The following CD109 variants were observed in gnomAD, a reference collection of about 807,000 sequenced individuals.
The protein encoded by CD109 is CD109 antigen.
In CD109, 149 loss-of-function variants were observed where a neutral mutation model predicts 165.8. The observed-to-expected ratio is 0.90, with a 90% CI of 0.79 to 1.03. The LOEUF is 1.03. Among genes scored for constraint, CD109 ranks in the 50% least tolerant of loss-of-function variants. The pLI, the probability that CD109 is intolerant of heterozygous loss-of-function variation, is 0.00. For synonymous variants in CD109, 585 were observed against 592.1 expected (o/e 0.99, Z 0.18); for missense variants, 1,712 against 1,677.8 (o/e 1.02, Z -0.36).
rs531402293 is a variant in CD109, at chr6:73,727,251, A to G, written c.277-3093A>G. On this transcript the variant is annotated intron_variant, in intron 3 of 32. Coordinates refer to ENST00000287097, the MANE Select transcript of CD109 (RefSeq NM_133493.5). ...GAGCACCGAGGTCTGCATTGACACCACAAGACTCTGGAGCACCACCCAGAG... is the reference window on the plus strand; with the variant it reads ...GAGCACCGAGGTCTGCATTGACACCGCAAGACTCTGGAGCACCACCCAGAG... Among the ~76,000 whole-genome samples, 14 of 152,230 alleles carry G rather than the reference A, an allele frequency of 9.2e-5. No homozygotes were observed. In the East Asian group the frequency reaches 1.2e-3, roughly 13 times the overall value.
At chr6:73,737,021 A>T (rs1360690440) in intron 5 of CD109, among the ~76,000 whole-genome samples, 1 of 152,182 alleles carries the variant, frequency 6.6e-6, no homozygotes, top group African/African-American at 2.4e-5. Context: ...ATCTAAATGG[A>T]GGGCATTAAA....
intron 31 of CD109, among the ~76,000 whole-genome samples, chr6:73,818,991 C>A (rs1776029026): frequency 6.6e-6 from 1 of 152,080 alleles, no homozygotes; most frequent in Non-Finnish European, 1.5e-5. Context: ...GCCACCATGC[C>A]TAGATAATTT....
chr6:73,696,408 C>A, intron 1 of CD109, 119 bp downstream of exon 1: 1 of 819,528 alleles, frequency 1.2e-6, no homozygotes, highest in South Asian at 2.6e-5. Flanking sequence ...GAAATGCCCT[C>A]GCGGCTGCAG....
At chr6:73,712,033 C>G (rs1420311805) in intron 2 of CD109, among the ~76,000 whole-genome samples, 2 of 152,098 alleles carry the variant, frequency 1.3e-5, no homozygotes, top group African/African-American at 2.4e-5. Flanking sequence ...ATTTCACTCT[C>G]TAAAAAATAT....
At chr6:73,765,820 C>G in intron 10 of CD109, 110 bp from the exon 11 acceptor site, 2 of 743,074 alleles carry the variant, frequency 2.7e-6, no homozygotes, top group South Asian at 1.9e-5. Flanking sequence ...TATTATAGTG[C>G]TACCAATAAT....
intron 2 of CD109, among the ~76,000 whole-genome samples, chr6:73,711,156 T>C (rs938176366): frequency 3.3e-5 from 5 of 152,208 alleles, no homozygotes; most frequent in African/African-American, 4.8e-5. Context: ...CTTGCTTGAC[T>C]CTGGGTTTTT....
the CD109 span, among the ~76,000 whole-genome samples, chr6:73,681,775 A>G: frequency 3.3e-5 from 5 of 151,926 alleles, no homozygotes; most frequent in East Asian, 7.8e-4. Context: ...GCTAATTTTT[A>G]TATTTTTAGT....
intron 14 of CD109, among the ~76,000 whole-genome samples, 164 bp downstream of exon 14, chr6:73,768,395 T>C (rs1364342085): frequency 1.3e-5 from 2 of 152,246 alleles, no homozygotes; most frequent in African/African-American, 4.8e-5. Flanking sequence ...GCATTACATA[T>C]ATATTTTCAC....
chr6:73,682,587 G>A, the CD109 span, among the ~76,000 whole-genome samples: 3 of 152,222 alleles, frequency 2.0e-5, no homozygotes, highest in African/African-American at 4.8e-5. Flanking sequence ...TCTGGGGTCT[G>A]GAGGACGTGG....
chr6:73,705,246 A>G (rs1421947047), intron 2 of CD109, among the ~76,000 whole-genome samples: 1 of 152,152 alleles, frequency 6.6e-6, no homozygotes, highest in East Asian at 1.9e-4. Context: ...GGCAGACAAT[A>G]TTTTGAAGTC....
chr6:73,811,409 A>G (rs1437319285), intron 28 of CD109, among the ~76,000 whole-genome samples: 2 of 152,134 alleles, frequency 1.3e-5, no homozygotes, highest in East Asian at 3.9e-4. Context: ...TTGAGTTTCT[A>G]TTCTTCATAG....
chr6:73,767,152 C>T (rs1773885411), intron 13 of CD109, 142 bp downstream of exon 13: 1 of 692,202 alleles, frequency 1.4e-6, no homozygotes, highest in South Asian at 2.0e-5. Context: ...ATTTCATCAC[C>T]CAGGTATTAA....
chr6:73,805,059 A>T (rs957795497), intron 24 of CD109, among the ~76,000 whole-genome samples: 4 of 152,218 alleles, frequency 2.6e-5, no homozygotes, highest in African/African-American at 9.7e-5. Flanking sequence ...GTGGGACCAT[A>T]AACTAGTTCA....
chr6:73,777,032 C>CTCT (rs1774274856), intron 15 of CD109, among the ~76,000 whole-genome samples: 1 of 134,746 alleles, frequency 7.4e-6, no homozygotes, highest in Admixed American at 7.7e-5. Flanking sequence ...TTGTTGCCCA[C>CTCT]GCTGCAACCT....
chr6:73,730,658 T>G, intron 4 of CD109, 84 bp downstream of exon 4: 3 of 822,664 alleles, frequency 3.6e-6, no homozygotes, highest in Non-Finnish European at 5.7e-6. Context: ...TTACTGACAC[T>G]GGAATATTTT....
chr6:73,719,054 C>A (rs1771850035), intron 2 of CD109, among the ~76,000 whole-genome samples: 1 of 152,226 alleles, frequency 6.6e-6, no homozygotes, highest in Middle Eastern at 3.4e-3. Flanking sequence ...CAATAATTTA[C>A]AAGTATTATT....
At chr6:73,727,366 C>T (rs1000888768) in intron 3 of CD109, among the ~76,000 whole-genome samples, 4 of 152,058 alleles carry the variant, frequency 2.6e-5, no homozygotes, top group African/African-American at 9.7e-5. Context: ...ATATTGTCAT[C>T]TCTGGGTGGC....
At chr6:73,810,288 T>C in intron 27 of CD109, 114 bp downstream of exon 27, 1 of 309,676 alleles carries the variant, frequency 3.2e-6, no homozygotes, top group Non-Finnish European at 5.1e-6. Flanking sequence ...ATGTTATATA[T>C]AAAAAATATT....
chr6:73,720,705 T>C (rs1244982898), intron 2 of CD109, among the ~76,000 whole-genome samples: 1 of 152,130 alleles, frequency 6.6e-6, no homozygotes, highest in Non-Finnish European at 1.5e-5. Flanking sequence ...ATTAAACCCA[T>C]CCTAGAATAA....
Sources: allele counts gnomAD v4.1 joint callset (sites outside exome capture counted in the v4.1 genomes callset), GRCh38; gene constraint gnomAD v4.1.1; transcripts MANE v1.5; gene names NCBI Gene and HGNC (gene_info 2026-07-23, HGNC 2026-07-21).